Variants in CADPS observed in about 807,000 individuals in gnomAD.
The protein encoded by CADPS is calcium-dependent secretion activator 1.
A neutral mutation model predicts 167.3 loss-of-function variants in CADPS; 57 were observed. That is an observed-to-expected ratio of 0.34 (90% confidence interval 0.28 to 0.42). The LOEUF is 0.42. CADPS is among the 20% of genes least tolerant of loss of function. CADPS has a pLI of 1.00. For missense variants in CADPS, 1,414 were observed against 1,738.1 expected (o/e 0.81, Z 3.32); for synonymous variants, 676 against 635.3 (o/e 1.06, Z -0.96).
At chr3:62,608,376 G>T (rs114920453) in intron 6 of CADPS, among the ~76,000 whole-genome samples, 1 of 150,056 alleles carries the variant, frequency 6.7e-6, no homozygotes, top group East Asian at 2.0e-4. Flanking sequence ...TCCACCTCCC[G>T]GGCTCACGTG....
At chr3:62,551,819 G>T (rs1239136845) in intron 10 of CADPS, among the ~76,000 whole-genome samples, 1 of 152,004 alleles carries the variant, frequency 6.6e-6, no homozygotes, top group Non-Finnish European at 1.5e-5. Flanking sequence ...TCAGGTATCT[G>T]CATGATTCAC....
chr3:62,499,794 G>A (rs2065435574), intron 17 of CADPS: 1 of 152,898 alleles, frequency 6.5e-6, no homozygotes, highest in South Asian at 2.1e-4. Context: ...AGATAGAAAA[G>A]AAAAATTGGA....
intron 1 of CADPS, among the ~76,000 whole-genome samples, chr3:62,867,690 C>A (rs1010201938): frequency 1.3e-5 from 2 of 151,984 alleles, no homozygotes; most frequent in Admixed American, 1.3e-4. Flanking sequence ...ATGGCTAGTA[C>A]TTCATATATA....
chr3:62,586,458 T>C (rs1487178053), intron 7 of CADPS, among the ~76,000 whole-genome samples: 1 of 152,050 alleles, frequency 6.6e-6, no homozygotes, highest in Non-Finnish European at 1.5e-5. Context: ...TATGGCTCCC[T>C]GTGTGATTGT....
At chr3:62,713,271 G>A (rs923740469) in intron 3 of CADPS, among the ~76,000 whole-genome samples, 1 of 152,070 alleles carries the variant, frequency 6.6e-6, no homozygotes. Flanking sequence ...TCTTTCAGGG[G>A]GATGACCTCT....
At chr3:62,460,989 G>T (rs938243045) in intron 26 of CADPS, among the ~76,000 whole-genome samples, 9 of 152,188 alleles carry the variant, frequency 5.9e-5, no homozygotes, top group African/African-American at 2.2e-4. Context: ...ATAAAGTTCA[G>T]ACAGAACTTG....
chr3:62,633,272 C>G (rs2065648219), intron 6 of CADPS, among the ~76,000 whole-genome samples: 1 of 152,172 alleles, frequency 6.6e-6, no homozygotes, highest in Non-Finnish European at 1.5e-5. Flanking sequence ...ACCACCCTGT[C>G]TTACATGATG....
intron 1 of CADPS, among the ~76,000 whole-genome samples, chr3:62,870,059 T>C (rs942573851): frequency 4.6e-5 from 7 of 152,138 alleles, no homozygotes; most frequent in African/African-American, 1.4e-4. Flanking sequence ...GGCAAGAACC[T>C]TTCATGGTAT....
intron 6 of CADPS, among the ~76,000 whole-genome samples, chr3:62,593,690 T>C (rs961566171): frequency 2.6e-5 from 4 of 152,236 alleles, no homozygotes; most frequent in Non-Finnish European, 5.9e-5. Context: ...TTTCCTCTGT[T>C]GGCAATGTTT....
intron 4 of CADPS, among the ~76,000 whole-genome samples, chr3:62,656,036 T>G (rs2071475751): frequency 6.6e-6 from 1 of 152,178 alleles, no homozygotes; most frequent in African/African-American, 2.4e-5. Context: ...ACTAGCTTTG[T>G]AAGTTTGGAC....
At chr3:62,578,609 C>A (rs1459787906) in intron 8 of CADPS, among the ~76,000 whole-genome samples, 56 of 66,962 alleles carry the variant, frequency 8.4e-4, no homozygotes, top group Middle Eastern at 8.3e-3. Flanking sequence ...GACTCCGTCT[C>A]AAAAAAATAA....
chr3:62,703,899 TC>T (rs1479233896), intron 3 of CADPS, among the ~76,000 whole-genome samples: 3 of 152,170 alleles, frequency 2.0e-5, no homozygotes, highest in Non-Finnish European at 4.4e-5. Context: ...AGCATGTTCC[TC>T]TGAAAGTTCC....
At chr3:62,727,868 GT>G (rs2077034243) in intron 3 of CADPS, among the ~76,000 whole-genome samples, 2 of 151,888 alleles carry the variant, frequency 1.3e-5, no homozygotes, top group African/African-American at 4.9e-5. Flanking sequence ...AAATGAAAAT[GT>G]TCTGGCTGAT....
At chr3:62,559,323 G>C (rs2078735245) in intron 9 of CADPS, among the ~76,000 whole-genome samples, 1 of 152,136 alleles carries the variant, frequency 6.6e-6, no homozygotes, top group South Asian at 2.1e-4. Flanking sequence ...ATTGGTTCTA[G>C]AAAGTTGAGT....
chr3:62,873,908 A>T (rs954402629), intron 1 of CADPS, among the ~76,000 whole-genome samples: 1 of 152,074 alleles, frequency 6.6e-6, no homozygotes, highest in Admixed American at 6.5e-5. Flanking sequence ...GGTCAGGGGG[A>T]CTGGTGAGAA....
intron 7 of CADPS, among the ~76,000 whole-genome samples, chr3:62,588,816 C>T (rs2085255555): frequency 2.0e-5 from 3 of 152,004 alleles, no homozygotes; most frequent in Admixed American, 2.0e-4. Context: ...AACTAATCAC[C>T]AAATATAATG....
At chr3:62,590,856 T>C (rs954719749) in intron 7 of CADPS, among the ~76,000 whole-genome samples, 5 of 151,932 alleles carry the variant, frequency 3.3e-5, no homozygotes, top group African/African-American at 4.8e-5. Flanking sequence ...TTATTTATTT[T>C]ATTATTATTA....
intron 6 of CADPS, among the ~76,000 whole-genome samples, chr3:62,596,088 T>TACACACACACACACAC (rs56780830): frequency 7.4e-6 from 1 of 135,902 alleles, no homozygotes; most frequent in African/African-American, 2.9e-5. Flanking sequence ...TATATATGTA[T>TACACACACACACACAC]ACACACACAC....
intron 6 of CADPS, among the ~76,000 whole-genome samples, chr3:62,600,665 C>T (rs2059827073): frequency 6.6e-6 from 1 of 152,198 alleles, no homozygotes; most frequent in African/African-American, 2.4e-5. Context: ...CTATGATAGG[C>T]ACTGCTATGG....
Sources: allele counts gnomAD v4.1 joint callset (sites outside exome capture counted in the v4.1 genomes callset), GRCh38; gene constraint gnomAD v4.1.1; transcripts MANE v1.5; gene names NCBI Gene and HGNC (gene_info 2026-07-23, HGNC 2026-07-21).